The following CACNA1D variants were observed in gnomAD, a reference collection of about 807,000 sequenced individuals.
CACNA1D encodes voltage-dependent L-type calcium channel subunit alpha-1D.
Under a neutral mutation model 257.1 loss-of-function variants are expected in CACNA1D, and 55 were observed. That is an observed-to-expected ratio of 0.21 (90% CI 0.17 to 0.27). The LOEUF (loss-of-function observed/expected upper bound fraction) is 0.27, where lower values mean the gene tolerates loss of function less well. Among genes scored for constraint, CACNA1D ranks in the 10% least tolerant of loss-of-function variants. CACNA1D has a pLI of 1.00. For missense variants in CACNA1D, 1,876 were observed against 2,784.0 expected, an observed-to-expected ratio of 0.67 and a Z score of 7.34; for synonymous variants, 980 against 1,014.9, an observed-to-expected ratio of 0.97 and a Z score of 0.65.
At chr3:53,550,805 G>C (rs1327197288) in intron 3 of CACNA1D, among the ~76,000 whole-genome samples, 7 of 151,812 alleles carry the variant, frequency 4.6e-5, no homozygotes, top group African/African-American at 1.7e-4. Context: ...TAGAGTTACG[G>C]GTATTTTAAT....
chr3:53,694,143 GATGTCAGGGCCTGT>G (rs1323025747), intron 8 of CACNA1D, among the ~76,000 whole-genome samples: 2 of 152,196 alleles, frequency 1.3e-5, no homozygotes. Flanking sequence ...AGGAGATCAG[GATGTCAGGGCCTGT>G]AAATCCTGGG....
At chr3:53,727,604 T>C (rs192372755) in intron 15 of CACNA1D, among the ~76,000 whole-genome samples, 1 of 152,206 alleles carries the variant, frequency 6.6e-6, no homozygotes, top group East Asian at 1.9e-4. Flanking sequence ...CCCTTAGATC[T>C]GTATTTACCT....
At chr3:53,675,498 C>T (rs766243632) in intron 8 of CACNA1D, among the ~76,000 whole-genome samples, 3 of 152,216 alleles carry the variant, frequency 2.0e-5, no homozygotes, top group South Asian at 2.1e-4. Flanking sequence ...TTAACAGTGC[C>T]GGTGACATCC....
At chr3:53,533,295 T>G (rs956328198) in intron 3 of CACNA1D, among the ~76,000 whole-genome samples, 1 of 152,214 alleles carries the variant, frequency 6.6e-6, no homozygotes, top group East Asian at 1.9e-4. Context: ...TATATCACCT[T>G]AAATACTTTG....
Position 53,745,825 on chromosome 3 carries a change from G to A in CACNA1D, c.3117G>A (p.Gly1039=). ...CTGCCTGTCTATTTTATACCCAGGG[G>A]AAGTTCTATCGCTGTACGGATGAAG... ...FACIGVQLFK[G]KFYRCTDEAK... is the part of the protein sequence containing the mutation. The change falls in exon 25 of 48, where the codon GGG becomes GGA. Residue 1039 remains glycine (G), a splice_region_variant and synonymous_variant. Transcript: ENST00000350061. The A allele has an allele frequency of 1.2e-6, 2 of 1,613,720 alleles. No individual in the cohort carries two copies. Among genetic ancestry groups the A allele is most frequent in the African/African-American group, 1.3e-5 (1 of 75,046 alleles).
At chr3:53,805,416 G>A (rs984681681) in intron 45 of CACNA1D, among the ~76,000 whole-genome samples, 3 of 152,218 alleles carry the variant, frequency 2.0e-5, no homozygotes, top group Non-Finnish European at 4.4e-5. Flanking sequence ...CACACATCTG[G>A]TAAGGGGTGT....
chr3:53,505,279 T>G (rs1340021247), intron 3 of CACNA1D, among the ~76,000 whole-genome samples: 5 of 151,914 alleles, frequency 3.3e-5, no homozygotes, highest in Non-Finnish European at 7.4e-5. Context: ...TGGCTAATAT[T>G]TTTGTATTTT....
intron 32 of CACNA1D, 71 bp from the exon 33 acceptor site, chr3:53,772,762 C>T (rs1056016582): frequency 2.7e-6 from 3 of 1,115,656 alleles, no homozygotes; most frequent in Non-Finnish European, 2.8e-6. Context: ...ACTCATGGGT[C>T]TTCTCAGGCT....
intron 30 of CACNA1D, 84 bp downstream of exon 30, chr3:53,762,165 C>A: frequency 2.3e-6 from 2 of 867,834 alleles, no homozygotes; most frequent in Admixed American, 1.7e-5. Flanking sequence ...GCAGTGGCAT[C>A]ACCTGGACAA....
At chr3:53,524,136 G>A (rs575397204) in intron 3 of CACNA1D, among the ~76,000 whole-genome samples, 1 of 152,184 alleles carries the variant, frequency 6.6e-6, no homozygotes, top group African/African-American at 2.4e-5. Flanking sequence ...AGGGGAGGAT[G>A]GGGGGAAGGT....
At chr3:53,666,667 T>G in intron 7 of CACNA1D, 132 bp downstream of exon 7, 6 of 781,916 alleles carry the variant, frequency 7.7e-6, no homozygotes, top group Non-Finnish European at 1.1e-5. Flanking sequence ...AAGCAGATGC[T>G]GTCTTTACCA....
chr3:53,808,282 CGG>C (rs2095577378), intron 45 of CACNA1D: 1 of 268,704 alleles, frequency 3.7e-6, no homozygotes, highest in Non-Finnish European at 7.3e-6. Context: ...GGCGTGGTGG[CGG>C]GCGCCTGTAG....
intron 19 of CACNA1D, 42 bp downstream of exon 19, chr3:53,733,004 A>C (rs1414705746): frequency 1.2e-6 from 2 of 1,609,870 alleles, no homozygotes; most frequent in Non-Finnish European, 1.7e-6. Context: ...GCCTCTTGCC[A>C]GTGACCCTAC....
At chr3:53,584,478 C>T (rs1559876545) in intron 3 of CACNA1D, among the ~76,000 whole-genome samples, 1 of 152,304 alleles carries the variant, frequency 6.6e-6, no homozygotes, top group South Asian at 2.1e-4. Context: ...CTACCTTTAA[C>T]ATCTTATTGC....
chr3:53,726,298 C>T (rs1246345896), intron 14 of CACNA1D, among the ~76,000 whole-genome samples: 1 of 152,186 alleles, frequency 6.6e-6, no homozygotes, highest in Non-Finnish European at 1.5e-5. Context: ...AAAGAGCATG[C>T]TTTCTGGGGA....
At chr3:53,746,979 G>A (rs561131724) in intron 25 of CACNA1D, among the ~76,000 whole-genome samples, 35 of 152,318 alleles carry the variant, frequency 2.3e-4, no homozygotes, top group Admixed American at 2.0e-3. Context: ...CCTTCAGAGC[G>A]CGCCTCAAGC....
At chr3:53,668,463 A>G (rs746328340) in intron 7 of CACNA1D, among the ~76,000 whole-genome samples, 3 of 152,208 alleles carry the variant, frequency 2.0e-5, no homozygotes, top group African/African-American at 7.2e-5. Flanking sequence ...CGTGGTTAAT[A>G]CTTTGACAGT....
chr3:53,792,906 A>G (rs1049801198), intron 40 of CACNA1D, among the ~76,000 whole-genome samples: 1 of 152,194 alleles, frequency 6.6e-6, no homozygotes, highest in Non-Finnish European at 1.5e-5. Flanking sequence ...ATAAGTGTGC[A>G]GACTAGTTAA....
chr3:53,765,568 C>G (rs899620314), intron 30 of CACNA1D: 2 of 152,608 alleles, frequency 1.3e-5, no homozygotes, highest in African/African-American at 4.8e-5. Flanking sequence ...CACTGCGCTC[C>G]ACAGGACGTG....
Sources: allele counts gnomAD v4.1 joint callset (sites outside exome capture counted in the v4.1 genomes callset), GRCh38; gene constraint gnomAD v4.1.1; transcripts MANE v1.5; gene names NCBI Gene and HGNC (gene_info 2026-07-23, HGNC 2026-07-21).